The following SRRM3 variants were observed in gnomAD, a reference collection of about 807,000 sequenced individuals.
The protein encoded by SRRM3 is serine/arginine repetitive matrix 3, also known as serine/arginine repetitive matrix protein 3.
A neutral mutation model predicts 66.2 loss-of-function variants in SRRM3; 27 were observed. The ratio of observed to expected loss-of-function variants is 0.41; its 90% CI spans 0.30 to 0.56. The LOEUF (loss-of-function observed/expected upper bound fraction) is 0.56. Among genes scored for constraint, SRRM3 ranks in the 20% least tolerant of loss-of-function variants. SRRM3 has a pLI of 0.32. For missense variants in SRRM3, 918 were observed against 991.9 expected (o/e 0.93, Z 1.00); for synonymous variants, 391 against 414.9 (o/e 0.94, Z 0.70).
rs983345136 is a variant in SRRM3 at position 76,239,323 on chromosome 7, C to T, written c.233+4024C>T. Reference sequence around the variant, plus strand: ...TGCTGGGATTACAGGTGTGAACCACCGCACCCAGCCTAGGCTTGGAGTTTT... The same window carrying T: ...TGCTGGGATTACAGGTGTGAACCACTGCACCCAGCCTAGGCTTGGAGTTTT... On this transcript the variant is annotated intron_variant, in intron 2 of 14. Coordinates refer to ENST00000611745, the MANE Select transcript of SRRM3 (RefSeq NM_001110199.3). 4.6e-5 allele frequency among the ~76,000 whole-genome samples: 7 copies of T among 152,122 alleles called. 1 individual carries two copies. The South Asian group carries it at 6.2e-4, about 13-fold the overall frequency.
At chr7:76,204,014 G>T (rs927311340) in intron 1 of SRRM3, among the ~76,000 whole-genome samples, 1 of 152,048 alleles carries the variant, frequency 6.6e-6, no homozygotes, top group African/African-American at 2.4e-5. Flanking sequence ...CTGCCAAAGG[G>T]GGGGTCTGGG....
rs1489320457 is a variant in SRRM3, at chr7:76,254,377, G to A, written c.336-5529G>A. Among the ~76,000 whole-genome samples the A allele has an allele frequency of 3.9e-5, 6 of 152,054 alleles. No homozygotes were observed. The South Asian group carries it at 6.2e-4, about 16-fold the overall frequency. ...CTTATTGCTCAGGCTGGAGTGCAAC[G>A]GCACGATCTTGGCTCACTGCAACCT... is the stretch of plus-strand genomic sequence containing the variant. On this transcript the variant is annotated intron_variant, in intron 3 of 14. Transcript: ENST00000611745.
At chr7:76,248,384 T>G in intron 3 of SRRM3, 95 bp downstream of exon 3, 3 of 857,520 alleles carry the variant, frequency 3.5e-6, no homozygotes, top group South Asian at 1.5e-5. Context: ...CTTGGTCTGG[T>G]TGGGGCTCAG....
chr7:76,215,629 T>C (rs1298671967), intron 1 of SRRM3, among the ~76,000 whole-genome samples: 1 of 145,900 alleles, frequency 6.9e-6, no homozygotes, highest in African/African-American at 2.5e-5. Context: ...AGTCTGGTTT[T>C]TTTTTTTTTT....
chr7:76,227,334 C>G (rs912413000), intron 1 of SRRM3, among the ~76,000 whole-genome samples: 3 of 152,178 alleles, frequency 2.0e-5, no homozygotes, highest in Admixed American at 6.5e-5. Context: ...CCTGCTTGCC[C>G]CTGCAAACCC....
Position 76,265,847 on chromosome 7 carries a change from TA to T in SRRM3, c.830+380del, listed in dbSNP as rs1563634541. ...AAATATTTATATATATATATATATATATATATATATATTTTTTTTTTTTTTT... is the reference window on the plus strand; with the variant it reads ...AAATATTTATATATATATATATATATTATATATATATTTTTTTTTTTTTTT... On this transcript the variant is annotated intron_variant, in intron 10 of 14. Coordinates refer to ENST00000611745, the MANE Select transcript of SRRM3 (RefSeq NM_001110199.3). Among the ~76,000 whole-genome samples the T allele has an allele frequency of 4.7e-3, 40 of 8,450 alleles. 2 individuals carry two copies. The highest frequency in any genetic ancestry group is 0.033 in the East Asian group (3 of 90). The allele number at this position is 8,450 out of a possible 152,430, so 5.5% of individuals were successfully genotyped here.
At chr7:76,276,997 C>T (rs574382470) in intron 11 of SRRM3, among the ~76,000 whole-genome samples, 5 of 152,330 alleles carry the variant, frequency 3.3e-5, no homozygotes, top group African/African-American at 9.6e-5. Flanking sequence ...GGCTCCCCAC[C>T]GTCAGGTGAC....
chr7:76,283,935 G>A, intron 14 of SRRM3: 1 of 653,852 alleles, frequency 1.5e-6, no homozygotes, highest in Non-Finnish European at 1.9e-6. Context: ...GCCCAACTCT[G>A]CCACTGCCTT....
intron 10 of SRRM3, 27 bp downstream of exon 10, chr7:76,265,495 C>T (rs782294722): frequency 6.4e-7 from 1 of 1,571,958 alleles, no homozygotes; most frequent in Non-Finnish European, 8.7e-7. Flanking sequence ...GGGAGGCTTT[C>T]TCCTGGTGGG....
chr7:76,252,225 T>G (rs914790195), intron 3 of SRRM3, among the ~76,000 whole-genome samples: 5 of 152,206 alleles, frequency 3.3e-5, no homozygotes, highest in Admixed American at 2.6e-4. Flanking sequence ...TCATGCTGGC[T>G]TACATCTCCA....
intron 3 of SRRM3, among the ~76,000 whole-genome samples, chr7:76,258,269 G>A (rs782114100): frequency 2.6e-5 from 4 of 152,096 alleles, no homozygotes; most frequent in African/African-American, 9.7e-5. Context: ...GACAGAGGCC[G>A]GGCTGGAGGA....
At chr7:76,217,253 AAG>A (rs1232637618) in intron 1 of SRRM3, among the ~76,000 whole-genome samples, 1 of 152,168 alleles carries the variant, frequency 6.6e-6, no homozygotes, top group African/African-American at 2.4e-5. Context: ...CACACACAGA[AAG>A]AGCACGGCTC....
intron 3 of SRRM3, among the ~76,000 whole-genome samples, chr7:76,249,390 A>G (rs1287452407): frequency 6.6e-6 from 1 of 152,124 alleles, no homozygotes; most frequent in East Asian, 1.9e-4. Flanking sequence ...AAAAAAAAAA[A>G]AAAGGGTGTA....
intron 1 of SRRM3, among the ~76,000 whole-genome samples, chr7:76,215,928 G>T (rs546965787): frequency 1.9e-4 from 28 of 150,644 alleles, no homozygotes; most frequent in African/African-American, 6.3e-4. Flanking sequence ...CTCCCCAGTA[G>T]CTGGGACTAC....
chr7:76,240,807 T>C lies in SRRM3; in HGVS notation c.233+5508T>C, dbSNP rs146515304. Among the ~76,000 whole-genome samples the C allele has an allele frequency of 2.7e-3, 418 of 152,126 alleles. 1 individual carries two copies. The highest frequency in any genetic ancestry group is 4.8e-3 in the Admixed American group (73 of 15,250). The stretch of plus-strand genomic sequence containing the variant: ...GAGCCAGACTGGCTGGGGGAACACG[T>C]GGGCCAAGAGGCTGGGGACCCTGGG... On this transcript the variant is annotated intron_variant, in intron 2 of 14. Coordinates refer to ENST00000611745, the MANE Select transcript of SRRM3 (RefSeq NM_001110199.3).
intron 11 of SRRM3, among the ~76,000 whole-genome samples, chr7:76,279,566 G>A (rs1267974271): frequency 6.7e-6 from 1 of 148,902 alleles, no homozygotes; most frequent in Non-Finnish European, 1.5e-5. Context: ...TGTAGGGAGG[G>A]AGACAGGGAG....
intron 2 of SRRM3, among the ~76,000 whole-genome samples, chr7:76,238,368 C>T (rs556052676): frequency 5.3e-5 from 8 of 152,276 alleles, no homozygotes; most frequent in African/African-American, 7.2e-5. Flanking sequence ...GGTTCAGTCC[C>T]GTTTATTTAC....
At chr7:76,208,172 G>A (rs1381066233) in intron 1 of SRRM3, among the ~76,000 whole-genome samples, 3 of 152,144 alleles carry the variant, frequency 2.0e-5, no homozygotes, top group African/African-American at 4.8e-5. Flanking sequence ...TATCCCTGGC[G>A]GGGTGGGCTT....
intron 12 of SRRM3, 115 bp from the exon 13 acceptor site, chr7:76,282,533 A>C: frequency 6.6e-5 from 36 of 545,048 alleles, no homozygotes; most frequent in East Asian, 3.0e-4. Flanking sequence ...CGAACTGACC[A>C]CAAACTACAC....
Sources: gnomAD v4.1 joint callset for allele counts (sites outside exome capture counted in the v4.1 genomes callset) on GRCh38, gnomAD v4.1.1 for gene constraint, MANE v1.5 for transcripts, NCBI Gene and HGNC (gene_info 2026-07-23, HGNC 2026-07-21) for gene names.